Variants in NEXMIF observed in about 807,000 individuals in gnomAD.
NEXMIF encodes XLMR protein related to neurite extension.
NEXMIF carries 8 observed loss-of-function variants against 62.1 expected under a neutral mutation model. The ratio of observed to expected loss-of-function variants is 0.13; its 90% CI spans 0.08 to 0.23. The LOEUF (loss-of-function observed/expected upper bound fraction) is 0.23. NEXMIF is among the 10% of genes least tolerant of loss of function. The pLI, the probability that NEXMIF is intolerant of heterozygous loss-of-function variation, is 1.00. For synonymous variants in NEXMIF, 404 were observed against 416.6 expected, an observed-to-expected ratio of 0.97 and a Z score of 0.37; for missense variants, 976 against 1,113.3, an observed-to-expected ratio of 0.88 and a Z score of 1.75.
rs765273462 is a variant in NEXMIF, at chrX:74,741,054, G to T, written c.3503C>A (p.Thr1168Asn). 1.7e-5 allele frequency: 21 copies of T among 1,209,524 alleles called. No homozygotes were observed. The South Asian group carries it at 3.7e-4, about 21-fold the overall frequency. Residue 1168 changes from threonine to asparagine, a missense_variant, in exon 3 of 4, where the codon ACC becomes AAC. Physicochemically the swap from Thr to Asn is moderately conservative, Grantham distance 65. Around this residue, in one of 5 missense-constraint regions of NEXMIF, gnomAD observed 639 missense variants for 694.5 expected, o/e 0.92. Coordinates refer to ENST00000055682, the MANE Select transcript of NEXMIF (RefSeq NM_001008537.3). ...TCTTGATTTTGACACTTTGTTGTTGGTACTAATTTGACCAGATGGATCATT... is the reference window on the plus strand; with the variant it reads ...TCTTGATTTTGACACTTTGTTGTTGTTACTAATTTGACCAGATGGATCATT... Reference protein sequence around the residue: ...TFNDPSGQISTNNKVSKSRKK... With the variant: ...TFNDPSGQISNNNKVSKSRKK...
chrX:74,777,364 T>C (rs978377705), intron 1 of NEXMIF, among the ~76,000 whole-genome samples: 1 of 111,708 alleles, frequency 9.0e-6, no homozygotes, highest in African/African-American at 3.3e-5. Flanking sequence ...ATTTGATACA[T>C]GTATACAATG....
intron 1 of NEXMIF, among the ~76,000 whole-genome samples, chrX:74,781,834 T>C (rs1041218945): frequency 1.8e-5 from 2 of 110,875 alleles, no homozygotes; most frequent in African/African-American, 6.6e-5. Context: ...TGTGAAAGCC[T>C]TAGGTGTATG....
chrX:74,764,250 G>A (rs1172386419), intron 1 of NEXMIF, among the ~76,000 whole-genome samples: 3 of 111,789 alleles, frequency 2.7e-5, no homozygotes, highest in African/African-American at 9.8e-5. Context: ...CTTTGGTTCT[G>A]TTTATATGCT....
intron 1 of NEXMIF, among the ~76,000 whole-genome samples, chrX:74,824,392 T>C (rs1323646276): frequency 8.9e-6 from 1 of 111,941 alleles, no homozygotes; most frequent in Admixed American, 9.5e-5. Flanking sequence ...GCCTGGCTTC[T>C]TTCACTTAGC....
At chrX:74,787,648 C>G (rs1367759035) in intron 1 of NEXMIF, among the ~76,000 whole-genome samples, 3 of 111,592 alleles carry the variant, frequency 2.7e-5, no homozygotes, top group Admixed American at 9.6e-5. Flanking sequence ...GGCAGGGGAG[C>G]CCAGAGGGTT....
At chrX:74,765,649 A>T (rs945715759) in intron 1 of NEXMIF, among the ~76,000 whole-genome samples, 2 of 110,442 alleles carry the variant, frequency 1.8e-5, no homozygotes, top group Non-Finnish European at 1.9e-5. Flanking sequence ...GCATTTGCTT[A>T]TCTGAAAAGG....
In NEXMIF at chrX:74,879,912, T is replaced by C. The variant is rs142502658; in HGVS notation, c.-48+44971A>G. Among the ~76,000 whole-genome samples the C allele has an allele frequency of 3.3e-3, 369 of 112,224 alleles. 2 individuals carry two copies. The highest frequency in any genetic ancestry group is 0.012 in the African/African-American group (361 of 30,908). On this transcript the variant is annotated intron_variant, in intron 1 of 3. Coordinates refer to ENST00000055682, the MANE Select transcript of NEXMIF (RefSeq NM_001008537.3). ...TAACGCTTGGGATTATTTGTACTAC[T>C]GCTTTTTTCCATTGTCATCGATAAT...
intron 1 of NEXMIF, among the ~76,000 whole-genome samples, chrX:74,772,918 A>G (rs899830016): frequency 8.9e-6 from 1 of 111,772 alleles, no homozygotes; most frequent in East Asian, 2.8e-4. Context: ...CTACAATTAT[A>G]CTTTTTAGCA....
rs1380770152 is a variant in NEXMIF, at chrX:74,925,320, A to G, written c.-485T>C. 1 of 128,238 alleles carries G rather than the reference A, an allele frequency of 7.8e-6. No individual in the cohort carries two copies. The highest frequency in any genetic ancestry group is 1.6e-5 in the Non-Finnish European group (1 of 61,929). The allele number at this position is 128,238 out of a possible 1,213,427, so 10.6% of individuals were successfully genotyped here. ...CTGCGGCCGTCCGCGAGAGGGAGAG[A>G]GGAGGGCGGCTGCTACTGTCGCTAT... On this transcript the variant is annotated 5_prime_UTR_variant, in exon 1 of 4. Coordinates refer to ENST00000055682, the MANE Select transcript of NEXMIF (RefSeq NM_001008537.3).
chrX:74,840,002 A>G (rs1023378409), intron 1 of NEXMIF, among the ~76,000 whole-genome samples: 1 of 111,748 alleles, frequency 8.9e-6, no homozygotes, highest in African/African-American at 3.3e-5. Context: ...TGCTTTCCAC[A>G]ATAGTTGAAC....
At chrX:74,796,776 C>T (rs1359796531) in intron 1 of NEXMIF, among the ~76,000 whole-genome samples, 1 of 111,277 alleles carries the variant, frequency 9.0e-6, no homozygotes, top group East Asian at 2.8e-4. Context: ...CAAATAAATG[C>T]ATAAATGGTG....
At chrX:74,912,048 A>G (rs2080792206) in intron 1 of NEXMIF, among the ~76,000 whole-genome samples, 1 of 111,697 alleles carries the variant, frequency 9.0e-6, no homozygotes, top group Non-Finnish European at 1.9e-5. Flanking sequence ...GTACACCCCC[A>G]CTAATCTAAG....
At chrX:74,874,326 G>A (rs1310375339) in intron 1 of NEXMIF, among the ~76,000 whole-genome samples, 156 of 103,264 alleles carry the variant, frequency 1.5e-3, no homozygotes, top group African/African-American at 5.5e-3. Context: ...TATTTCTGAG[G>A]GCTCTGTTCT....
In NEXMIF at chrX:74,740,441, C is replaced by T; in HGVS notation, c.4116G>A (p.Gly1372=). 2 of 1,210,912 alleles carry T rather than the reference C, an allele frequency of 1.7e-6. No individual in the cohort carries two copies. Among genetic ancestry groups the T allele is most frequent in the Non-Finnish European group, 2.2e-6 (2 of 895,199 alleles). The stretch of plus-strand genomic sequence containing the variant: ...TCTTTTTCTTAGACTCCTGTGGTGT[C>T]CCAGCCAATATTTTGAGGGTTTTTA... ...LKLKTLKILA[G]TPQESKKKIN... is the part of the protein sequence containing the mutation. Residue 1372 remains glycine (G), a synonymous_variant, in exon 3 of 4, where the codon GGG becomes GGA. Coordinates refer to ENST00000055682, the MANE Select transcript of NEXMIF (RefSeq NM_001008537.3).
intron 1 of NEXMIF, among the ~76,000 whole-genome samples, chrX:74,884,856 CCA>C (rs983093866): frequency 3.6e-5 from 4 of 111,697 alleles, no homozygotes; most frequent in African/African-American, 1.3e-4. Context: ...CTTTTCAGCA[CCA>C]CACCACACCT....
chrX:74,748,462 A>G (rs1018828521), intron 1 of NEXMIF, among the ~76,000 whole-genome samples: 1 of 111,982 alleles, frequency 8.9e-6, no homozygotes, highest in Non-Finnish European at 1.9e-5. Flanking sequence ...TTACAATACA[A>G]ACAACTCTGG....
At chrX:74,850,927 C>A (rs2080510996) in intron 1 of NEXMIF, among the ~76,000 whole-genome samples, 2 of 110,045 alleles carry the variant, frequency 1.8e-5, no homozygotes, top group Admixed American at 1.9e-4. Flanking sequence ...ATATTAAAAA[C>A]CTCAGTGAGA....
intron 1 of NEXMIF, among the ~76,000 whole-genome samples, chrX:74,915,938 T>C (rs750866702): frequency 3.6e-5 from 4 of 111,864 alleles, no homozygotes; most frequent in Non-Finnish European, 5.6e-5. Context: ...TTCAAAACTG[T>C]AGAAATATAA....
chrX:74,878,883 A>G (rs2080650824), intron 1 of NEXMIF, among the ~76,000 whole-genome samples: 1 of 112,205 alleles, frequency 8.9e-6, no homozygotes, highest in Admixed American at 9.4e-5. Flanking sequence ...ACCTGCGCCC[A>G]CTGTCTGGCA....
Sources: allele counts gnomAD v4.1 joint callset (sites outside exome capture counted in the v4.1 genomes callset), GRCh38; gene constraint gnomAD v4.1.1; regional missense constraint gnomAD v4.1.1; transcripts MANE v1.5; gene names NCBI Gene and HGNC (gene_info 2026-07-23, HGNC 2026-07-21).